The following LRMDA variants were observed in gnomAD, a reference collection of about 807,000 sequenced individuals.
The protein encoded by LRMDA is leucine rich melanocyte differentiation associated, also known as leucine-rich melanocyte differentiation-associated protein.
LRMDA carries 18 observed loss-of-function variants against 29.8 expected under a neutral mutation model. That is an observed-to-expected ratio of 0.60 (90% CI 0.42 to 0.90). The LOEUF (loss-of-function observed/expected upper bound fraction) is 0.90, where lower values mean the gene tolerates loss of function less well. Ranked by LOEUF, LRMDA falls within the 40% of genes least tolerant of loss-of-function variation. The probability of loss-of-function intolerance (pLI) is 0.00; values close to 1 mark genes in which losing one functional copy is unlikely to be tolerated. For missense variants in LRMDA, 273 were observed against 273.9 expected, an observed-to-expected ratio of 1.00 and a Z score of 0.02; for synonymous variants, 125 against 109.4, an observed-to-expected ratio of 1.14 and a Z score of -0.89.
At chr10:76,545,402 C>G (rs932339944) in intron 6 of LRMDA, among the ~76,000 whole-genome samples, 1 of 151,464 alleles carries the variant, frequency 6.6e-6, no homozygotes, top group Non-Finnish European at 1.5e-5. Flanking sequence ...TGCAGGAGGA[C>G]CCCCACTGCT....
At chr10:76,230,099 C>T (rs1852030984) in intron 5 of LRMDA, among the ~76,000 whole-genome samples, 1 of 151,890 alleles carries the variant, frequency 6.6e-6, no homozygotes, top group South Asian at 2.1e-4. Context: ...TCTCTCCTGC[C>T]CTGCTGATGT....
intron 2 of LRMDA, among the ~76,000 whole-genome samples, chr10:75,884,537 T>G (rs1845350576): frequency 6.6e-6 from 1 of 152,118 alleles, no homozygotes; most frequent in African/African-American, 2.4e-5. Flanking sequence ...GATCAGAAAC[T>G]AAGATGACTT....
intron 6 of LRMDA, among the ~76,000 whole-genome samples, chr10:76,534,760 G>A (rs11001811): frequency 0.33 from 49,731 of 151,582 alleles, 8,645 homozygotes; most frequent in African/African-American, 0.37. Flanking sequence ...CCTTGCGGGG[G>A]TATATTGACA....
intron 6 of LRMDA, among the ~76,000 whole-genome samples, chr10:76,424,924 T>G (rs1411662195): frequency 6.6e-6 from 1 of 152,186 alleles, no homozygotes; most frequent in Non-Finnish European, 1.5e-5. Context: ...GGAGTAGAGT[T>G]TTAATCTTCT....
At chr10:75,782,459 A>G (rs72811405) in intron 2 of LRMDA, among the ~76,000 whole-genome samples, 1,756 of 151,820 alleles carry the variant, frequency 0.012, 15 homozygotes, top group South Asian at 0.031. Flanking sequence ...AGCAGATGGG[A>G]TGGAATATTT....
At chr10:75,555,842 G>C (rs551321331) in intron 2 of LRMDA, among the ~76,000 whole-genome samples, 1 of 152,288 alleles carries the variant, frequency 6.6e-6, no homozygotes, top group East Asian at 1.9e-4. Flanking sequence ...AAATACATTT[G>C]CTCATCATAT....
At chr10:76,030,274 G>C (rs1432084731) in intron 2 of LRMDA, among the ~76,000 whole-genome samples, 1 of 151,870 alleles carries the variant, frequency 6.6e-6, no homozygotes, top group African/African-American at 2.4e-5. Flanking sequence ...GTATATATAT[G>C]TATGGCTATG....
intron 5 of LRMDA, among the ~76,000 whole-genome samples, chr10:76,306,326 C>A (rs1485804870): frequency 6.6e-6 from 1 of 152,212 alleles, no homozygotes; most frequent in African/African-American, 2.4e-5. Flanking sequence ...GTTTTAGCAG[C>A]CTAGCAGAGC....
At chr10:75,680,346 G>A (rs1564538170) in intron 2 of LRMDA, among the ~76,000 whole-genome samples, 1 of 152,188 alleles carries the variant, frequency 6.6e-6, no homozygotes, top group Non-Finnish European at 1.5e-5. Flanking sequence ...GGAAGACCAG[G>A]AAAATGTTAA....
intron 6 of LRMDA, among the ~76,000 whole-genome samples, chr10:76,424,746 A>G (rs1842106468): frequency 6.6e-6 from 1 of 152,226 alleles, no homozygotes; most frequent in African/African-American, 2.4e-5. Flanking sequence ...AGGATCATAA[A>G]GCCAGTAAGT....
intron 6 of LRMDA, among the ~76,000 whole-genome samples, chr10:76,381,849 G>A (rs1487707238): frequency 6.6e-6 from 1 of 152,178 alleles, no homozygotes; most frequent in Admixed American, 6.5e-5. Context: ...GAGAAGTAGA[G>A]ATCATGGCTT....
intron 2 of LRMDA, among the ~76,000 whole-genome samples, chr10:75,938,572 C>A (rs1302051234): frequency 6.6e-6 from 1 of 152,150 alleles, no homozygotes; most frequent in Non-Finnish European, 1.5e-5. Context: ...CCCTGCCTTC[C>A]CCCTACCTCT....
intron 2 of LRMDA, among the ~76,000 whole-genome samples, chr10:75,570,226 G>A (rs965685810): frequency 6.6e-6 from 1 of 152,148 alleles, no homozygotes. Context: ...ATTCTTCCTA[G>A]ATTGTAAGAG....
intron 5 of LRMDA, among the ~76,000 whole-genome samples, chr10:76,066,605 A>T (rs533266729): frequency 9.8e-5 from 15 of 152,310 alleles, no homozygotes; most frequent in African/African-American, 2.6e-4. Context: ...CAAGGCATAC[A>T]TTTCTGATGG....
chr10:76,225,127 C>G (rs767349611), intron 5 of LRMDA, among the ~76,000 whole-genome samples: 26 of 152,028 alleles, frequency 1.7e-4, no homozygotes, highest in Non-Finnish European at 2.8e-4. Flanking sequence ...GATCCCCAGG[C>G]CGGGCACAGT....
chr10:75,695,325 A>C (rs1002547325), intron 2 of LRMDA, among the ~76,000 whole-genome samples: 13 of 152,158 alleles, frequency 8.5e-5, no homozygotes, highest in African/African-American at 2.7e-4. Context: ...CAGTTCATTA[A>C]AATACAATTG....
At chr10:75,749,740 A>G (rs1842931272) in intron 2 of LRMDA, among the ~76,000 whole-genome samples, 1 of 152,046 alleles carries the variant, frequency 6.6e-6, no homozygotes, top group Non-Finnish European at 1.5e-5. Flanking sequence ...ACATGTGAAC[A>G]AGGGTCTCTG....
Position 76,055,063 on chromosome 10 carries a change from C to CAAAAAAAAAA in LRMDA, c.399-3581_399-3572dup, listed in dbSNP as rs531729040. ...TGGGCAACAGAGCAAGACTCCATCT[C>CAAAAAAAAAA]AAAAAAAAAAAAAAAAAAAAAAAAA... is the stretch of plus-strand genomic sequence containing the variant. On this transcript the variant is annotated intron_variant, in intron 4 of 6. Coordinates refer to ENST00000611255, the MANE Select transcript of LRMDA (RefSeq NM_001305581.2). 1.8e-3 allele frequency among the ~76,000 whole-genome samples: 82 copies of CAAAAAAAAAA among 45,914 alleles called. 1 individual carries two copies. The highest frequency in any genetic ancestry group is 8.6e-3 in the East Asian group (8 of 932). 30.1% of individuals were successfully genotyped at this position (45,914 alleles called of 152,430 possible).
At chr10:76,183,592 G>C (rs1393322039) in intron 5 of LRMDA, among the ~76,000 whole-genome samples, 1 of 152,320 alleles carries the variant, frequency 6.6e-6, no homozygotes, top group East Asian at 1.9e-4. Flanking sequence ...GGTGAGACAG[G>C]CCAGATTTAT....
Sources: gnomAD v4.1 joint callset for allele counts (sites outside exome capture counted in the v4.1 genomes callset) on GRCh38, gnomAD v4.1.1 for gene constraint, MANE v1.5 for transcripts, NCBI Gene and HGNC (gene_info 2026-07-23, HGNC 2026-07-21) for gene names.